Variants in NBAS observed in about 807,000 individuals in gnomAD.
NBAS encodes the protein NAG/BC035112 fusion.
Under a neutral mutation model 302.5 loss-of-function variants are expected in NBAS, and 219 were observed. The observed-to-expected ratio is 0.72, with a 90% CI of 0.65 to 0.81. NBAS has a LOEUF of 0.81. Ranked by LOEUF, NBAS falls within the 30% of genes least tolerant of loss-of-function variation. The pLI, the probability that NBAS is intolerant of heterozygous loss-of-function variation, is 0.00. For missense variants in NBAS, 2,932 were observed against 2,841.6 expected (o/e 1.03, Z -0.72); for synonymous variants, 1,118 against 1,021.6 (o/e 1.09, Z -1.80).
At chr2:14,941,100 A>AGGG in the NBAS span, among the ~76,000 whole-genome samples, 1 of 152,206 alleles carries the variant, frequency 6.6e-6, no homozygotes, top group Non-Finnish European at 1.5e-5. Flanking sequence ...CAGGATAGGG[A>AGGG]GGGGAGTATT....
chr2:15,468,493 A>G lies in NBAS; in HGVS notation c.1766T>C (p.Leu589Ser). 1.2e-6 allele frequency: 2 copies of G among 1,614,090 alleles called. No homozygotes were observed. The highest frequency in any genetic ancestry group is 1.7e-6 in the Non-Finnish European group (2 of 1,179,978). The change falls in exon 17 of 52, where the codon TTG (leucine) becomes TCG (serine). Residue 589 changes from leucine (L) to serine (S), a missense_variant. By Grantham distance (145) the Leu-to-Ser change is moderately radical. Transcript: ENST00000281513. ...ATCCACATTTTCAGGAACTCTTTCC[A>G]AACACTCATGGAGAACCCAGGATCG... ...KKRSWVLHEC[L>S]ERVPENVDAA...
chr2:15,081,438 C>T, the NBAS span, among the ~76,000 whole-genome samples: 1 of 152,256 alleles, frequency 6.6e-6, no homozygotes, highest in East Asian at 1.9e-4. Context: ...TCTCATATAC[C>T]ATACTTATAC....
chr2:15,166,057 G>A (rs1396423042), downstream of NBAS, among the ~76,000 whole-genome samples: 2 of 151,470 alleles, frequency 1.3e-5, no homozygotes, highest in South Asian at 2.1e-4. Context: ...GTGAGTCTCA[G>A]GGGGGGCGAA....
intron 32 of NBAS, among the ~76,000 whole-genome samples, chr2:15,362,333 A>T (rs971858974): frequency 1.4e-5 from 2 of 146,828 alleles, no homozygotes; most frequent in African/African-American, 4.9e-5. Context: ...AAAAAAAGAA[A>T]GAAAAGAAAA....
At chr2:14,814,600 T>C in the NBAS span, among the ~76,000 whole-genome samples, 6 of 152,340 alleles carry the variant, frequency 3.9e-5, no homozygotes, top group East Asian at 1.2e-3. Flanking sequence ...CCCCATTGTA[T>C]CTTGGAGGTA....
At chr2:14,963,106 T>A in the NBAS span, among the ~76,000 whole-genome samples, 1 of 152,056 alleles carries the variant, frequency 6.6e-6, no homozygotes, top group African/African-American at 2.4e-5. Context: ...CCGTCTCTAC[T>A]AAAAATATAA....
At chr2:15,526,573 C>A (rs1306011737) in intron 9 of NBAS, among the ~76,000 whole-genome samples, 1 of 151,680 alleles carries the variant, frequency 6.6e-6, no homozygotes, top group Non-Finnish European at 1.5e-5. Flanking sequence ...AAAAAAAAGA[C>A]CACATAATGG....
intron 48 of NBAS, among the ~76,000 whole-genome samples, chr2:15,212,911 T>G (rs1286673212): frequency 6.6e-6 from 1 of 152,144 alleles, no homozygotes; most frequent in Admixed American, 6.5e-5. Flanking sequence ...GGGCAGCTCT[T>G]TATAGCAGCG....
chr2:15,367,067 T>C (rs1248013160), intron 31 of NBAS, among the ~76,000 whole-genome samples: 1 of 152,060 alleles, frequency 6.6e-6, no homozygotes, highest in Non-Finnish European at 1.5e-5. Context: ...CCCTCAAACC[T>C]CACCCTCTAA....
chr2:14,924,052 C>A, the NBAS span, among the ~76,000 whole-genome samples: 1 of 152,198 alleles, frequency 6.6e-6, no homozygotes, highest in Non-Finnish European at 1.5e-5. Flanking sequence ...TCTAAAGAAT[C>A]TCACACAGAA....
chr2:14,848,516 G>A, the NBAS span, among the ~76,000 whole-genome samples: 2 of 144,452 alleles, frequency 1.4e-5, no homozygotes, highest in East Asian at 3.9e-4. Flanking sequence ...GCCCGCCATT[G>A]CCCAGCCTTG....
At chr2:14,996,206 C>A in the NBAS span, among the ~76,000 whole-genome samples, 1 of 152,200 alleles carries the variant, frequency 6.6e-6, no homozygotes, top group Admixed American at 6.5e-5. Flanking sequence ...TTCACTGGGA[C>A]ACTAATAAGG....
At chr2:15,053,818 C>G in the NBAS span, among the ~76,000 whole-genome samples, 1 of 152,200 alleles carries the variant, frequency 6.6e-6, no homozygotes, top group East Asian at 1.9e-4. Flanking sequence ...AGCCTGCACA[C>G]TTACCTCAAG....
intron 44 of NBAS, among the ~76,000 whole-genome samples, chr2:15,252,753 CT>C (rs1379677165): frequency 6.6e-6 from 1 of 152,132 alleles, no homozygotes; most frequent in Non-Finnish European, 1.5e-5. Flanking sequence ...CTCCCTCCTC[CT>C]TTTCATGTTC....
intron 47 of NBAS, among the ~76,000 whole-genome samples, chr2:15,229,365 A>C (rs569539954): frequency 0.017 from 2,523 of 150,660 alleles, 103 homozygotes; most frequent in African/African-American, 0.055. Context: ...AAAAAAAAAA[A>C]AAAAAAAAAG....
the NBAS span, among the ~76,000 whole-genome samples, chr2:14,943,421 T>G: frequency 6.6e-6 from 1 of 152,244 alleles, no homozygotes; most frequent in African/African-American, 2.4e-5. Context: ...AAAGCGTATC[T>G]GCTGTAAAAT....
At chr2:15,436,366 G>C (rs1446633246) in intron 21 of NBAS, among the ~76,000 whole-genome samples, 1 of 152,142 alleles carries the variant, frequency 6.6e-6, no homozygotes, top group Non-Finnish European at 1.5e-5. Flanking sequence ...CTAACTCACA[G>C]TAGTAGCTCA....
chr2:15,342,608 T>C (rs941850220), intron 35 of NBAS, among the ~76,000 whole-genome samples: 2 of 152,006 alleles, frequency 1.3e-5, no homozygotes, highest in African/African-American at 2.4e-5. Context: ...GTGGGATTCA[T>C]GGGGCTCAGA....
At chr2:15,047,621 G>T in the NBAS span, among the ~76,000 whole-genome samples, 5 of 152,082 alleles carry the variant, frequency 3.3e-5, no homozygotes, top group Non-Finnish European at 7.4e-5. Flanking sequence ...GCAGATGAAG[G>T]CTGGGCCCAT....
Sources: allele counts gnomAD v4.1 joint callset (sites outside exome capture counted in the v4.1 genomes callset), GRCh38; gene constraint gnomAD v4.1.1; transcripts MANE v1.5; gene names NCBI Gene and HGNC (gene_info 2026-07-23, HGNC 2026-07-21).